MTTP: variants seen among roughly 807,000 people sequenced by gnomAD.
MTTP encodes microsomal triglyceride transfer protein large subunit.
A neutral mutation model predicts 90.6 loss-of-function variants in MTTP; 49 were observed. The ratio of observed to expected loss-of-function variants is 0.54; its 90% CI spans 0.43 to 0.69. The LOEUF (loss-of-function observed/expected upper bound fraction) is 0.69, where lower values mean the gene tolerates loss of function less well. Ranked by LOEUF, MTTP falls within the 30% of genes least tolerant of loss-of-function variation. The pLI is 0.00. For missense variants in MTTP, 945 were observed against 1,067.5 expected (o/e 0.89, Z 1.60); for synonymous variants, 347 against 384.2 (o/e 0.90, Z 1.13).
At chr4:99,583,983 G>A in intron 3 of MTTP, 1 of 166,304 alleles carries the variant, frequency 6.0e-6, no homozygotes, top group Non-Finnish European at 1.3e-5. Flanking sequence ...ATTTTAAAAG[G>A]GTATGACAAG....
At chr4:99,607,921 T>C (rs550738105) in intron 11 of MTTP, among the ~76,000 whole-genome samples, 2 of 152,050 alleles carry the variant, frequency 1.3e-5, no homozygotes, top group South Asian at 4.2e-4. Context: ...TCTCTGTACT[T>C]TCCACTCAAT....
chr4:99,577,618 A>AAAAG (rs950593917), intron 1 of MTTP, among the ~76,000 whole-genome samples: 4 of 146,980 alleles, frequency 2.7e-5, no homozygotes, highest in African/African-American at 7.4e-5. Flanking sequence ...AAAAAAAAAA[A>AAAAG]AAAAGAAAGA....
chr4:99,622,564 T>C, intron 17 of MTTP, 113 bp from the exon 18 acceptor site: 3 of 1,147,628 alleles, frequency 2.6e-6, no homozygotes, highest in Admixed American at 3.6e-5. Context: ...CTCATATCCT[T>C]TCTCAGATTG....
At chr4:99,594,452 C>T (rs1725500828) in intron 6 of MTTP, among the ~76,000 whole-genome samples, 1 of 152,200 alleles carries the variant, frequency 6.6e-6, no homozygotes, top group African/African-American at 2.4e-5. Flanking sequence ...GCTGACATTG[C>T]ATATCTTATT....
chr4:99,578,271 CT>C (rs1326343487), intron 1 of MTTP, among the ~76,000 whole-genome samples: 1 of 152,126 alleles, frequency 6.6e-6, no homozygotes. Context: ...ACTTTTTTGG[CT>C]AATATTACTT....
rs758767931 is a variant in MTTP, at chr4:99,600,771, A to G, written c.1236+38A>G. 5 of 1,590,270 alleles carry G rather than the reference A, an allele frequency of 3.1e-6. No homozygotes were observed. The South Asian group carries it at 5.5e-5, about 18-fold the overall frequency. ...GAAAATAAAGACCCTCAACTCCTAT[A>G]AAACTTCTTAAGAATATTAACAGTA... On this transcript the variant is annotated intron_variant, in intron 9 of 17. Transcript: ENST00000265517.
At chr4:99,616,847 G>A (rs888461608) in intron 15 of MTTP, among the ~76,000 whole-genome samples, 30 of 152,142 alleles carry the variant, frequency 2.0e-4, no homozygotes, top group African/African-American at 6.8e-4. Flanking sequence ...CAAAAGGTGC[G>A]TTGTCTAACA....
rs551204873 is a variant in MTTP, at chr4:99,618,871, A to C, written c.2218-103A>C. On this transcript the variant is annotated intron_variant, in intron 15 of 17. Transcript: ENST00000265517. ...AAGACTCCAACATCAACACAACTCA[A>C]ATGGAATTATCTACAGCAGGAGGTC... 2.4e-4 allele frequency: 360 copies of C among 1,470,060 alleles called. 2 individuals are homozygous for C. The highest frequency in any genetic ancestry group is 1.4e-3 in the South Asian group (123 of 85,208). 91.1% of individuals were successfully genotyped at this position (1,470,060 alleles called of 1,614,324 possible).
At position 99,594,733 on chromosome 4, in the gene MTTP, G is replaced by A. The variant is rs1725509234; in HGVS notation, c.759G>A (p.Lys253=). The A allele has an allele frequency of 6.2e-7, 1 of 1,613,820 alleles. No homozygotes were observed. ...LQTIKGKIVS[K]QKLELKTTEA... is the part of the protein sequence containing the mutation. Reference sequence around the variant, plus strand: ...AGCATTTCCCTTTGGTATTATGCAGGCAGAAATTAGAGCTGAAGACAACCG... The same window carrying A: ...AGCATTTCCCTTTGGTATTATGCAGACAGAAATTAGAGCTGAAGACAACCG... The change falls in exon 7 of 18, where the codon AAG becomes AAA. Residue 253 remains lysine, a splice_region_variant and synonymous_variant. Transcript: ENST00000265517.
At chr4:99,572,674 T>C (rs1012408235), upstream of MTTP, among the ~76,000 whole-genome samples, 2 of 152,070 alleles carry the variant, frequency 1.3e-5, no homozygotes, top group Non-Finnish European at 2.9e-5. Context: ...GCTTCACATA[T>C]TATGTAAAAT....
At chr4:99,596,913 T>C (rs890455471) in intron 7 of MTTP, among the ~76,000 whole-genome samples, 154 bp from the exon 8 acceptor site, 2 of 152,162 alleles carry the variant, frequency 1.3e-5, no homozygotes, top group Non-Finnish European at 2.9e-5. Flanking sequence ...GGGTATGATA[T>C]GGGCAGGGAA....
chr4:99,579,448 G>A (rs1218474620), intron 1 of MTTP, among the ~76,000 whole-genome samples: 1 of 152,152 alleles, frequency 6.6e-6, no homozygotes, highest in Non-Finnish European at 1.5e-5. Context: ...CTCTGTGAGG[G>A]GAAGGGGTAG....
At chr4:99,568,945 G>A (rs543110534) in intron 1 of MTTP, among the ~76,000 whole-genome samples, 117 of 151,776 alleles carry the variant, frequency 7.7e-4, no homozygotes, top group African/African-American at 2.3e-3. Context: ...AATAATTTAC[G>A]TAGCTACTCC....
chr4:99,601,797 C>T (rs1334132603), intron 10 of MTTP, 83 bp downstream of exon 10: 3 of 1,046,030 alleles, frequency 2.9e-6, no homozygotes, highest in African/African-American at 3.1e-5. Flanking sequence ...ACTATTGGCA[C>T]TCCTAATTCT....
chr4:99,621,225 C>T lies in MTTP; in HGVS notation c.2507C>T (p.Pro836Leu), dbSNP rs1726222510. 6.2e-6 allele frequency: 10 copies of T among 1,613,898 alleles called. No homozygotes were observed. The highest frequency in any genetic ancestry group is 8.5e-6 in the Non-Finnish European group (10 of 1,179,846). Residue 836 changes from proline (P) to leucine (L), a missense_variant, in exon 17 of 18, where the codon CCA (proline) becomes CTA (leucine). By Grantham distance (98) the Pro-to-Leu change is moderately conservative. Transcript: ENST00000265517. ...ATGCAGATGGACAAGGATGAAGCTC[C>T]ATTCAGGTAAGATGCAGCGTTCAGG... The part of the protein sequence containing the change: ...VCMQMDKDEA[P>L]FRQFEKKYER...
At chr4:99,610,634 G>T (rs1235743378) in intron 12 of MTTP, among the ~76,000 whole-genome samples, 1 of 152,172 alleles carries the variant, frequency 6.6e-6, no homozygotes, top group Non-Finnish European at 1.5e-5. Context: ...AGGAGACGAT[G>T]ATTTCTATAT....
chr4:99,583,244 A>G, intron 2 of MTTP, 130 bp from the exon 3 acceptor site: 1 of 1,063,682 alleles, frequency 9.4e-7, no homozygotes. Flanking sequence ...CCTATAAATC[A>G]TGAATTGAAA....
At position 99,580,574 on chromosome 4, in the gene MTTP, C is replaced by CAAAAAAAAAAAAAAAAAAAAAAAAAAA. The variant is rs563138284; in HGVS notation, c.62-1305_62-1304insAAAAAAAAAAAAAAAAAAAAAAAAAAA. 1.7e-3 allele frequency among the ~76,000 whole-genome samples: 67 copies of CAAAAAAAAAAAAAAAAAAAAAAAAAAA among 39,898 alleles called. 1 individual carries two copies. Among genetic ancestry groups the CAAAAAAAAAAAAAAAAAAAAAAAAAAA allele is most frequent in the Non-Finnish European group, 1.9e-3 (40 of 20,594 alleles). 26.2% of individuals were successfully genotyped at this position (39,898 alleles called of 152,430 possible). A position where few individuals can be genotyped will look rare whatever the true frequency, so the allele number is the denominator to read the frequency against. On this transcript the variant is annotated intron_variant, in intron 1 of 17. Transcript: ENST00000265517. Reference sequence around the variant, plus strand: ...TGGCCGACAGAGTGAGACTCTGTCTCAAAAAAAAAAAAAAAAAAAAAAAAA... The same window carrying CAAAAAAAAAAAAAAAAAAAAAAAAAAA: ...TGGCCGACAGAGTGAGACTCTGTCTCAAAAAAAAAAAAAAAAAAAAAAAAAAAAAAAAAAAAAAAAAAAAAAAAAAAA...
At chr4:99,575,264 A>G (rs978922138) in intron 1 of MTTP, among the ~76,000 whole-genome samples, 5 of 152,184 alleles carry the variant, frequency 3.3e-5, no homozygotes, top group Non-Finnish European at 5.9e-5. Context: ...AAGAAGGAAA[A>G]AAGATACCCA....
Sources: gnomAD v4.1 joint callset for allele counts (sites outside exome capture counted in the v4.1 genomes callset) on GRCh38, gnomAD v4.1.1 for gene constraint, MANE v1.5 for transcripts, NCBI Gene and HGNC (gene_info 2026-07-23, HGNC 2026-07-21) for gene names.